Variants in TJP3 observed in about 807,000 individuals in gnomAD.
The protein encoded by TJP3 is tight junction protein 3, also known as tight junction protein ZO-3.
In TJP3, 85 loss-of-function variants were observed where a neutral mutation model predicts 104.2. That is an observed-to-expected ratio of 0.82 (90% CI 0.68 to 0.98). The LOEUF is 0.98. TJP3 is among the 50% of genes least tolerant of loss of function. The pLI, the probability that TJP3 is intolerant of heterozygous loss-of-function variation, is 0.00. For missense variants in TJP3, 1,367 were observed against 1,322.8 expected (o/e 1.03, Z -0.52); for synonymous variants, 550 against 550.6 (o/e 1.00, Z 0.02).
rs549831017 is a variant in TJP3 at position 3,745,133 on chromosome 19, CTTTTTTTTTTTTT to C, written c.1940-860_1940-848del. On this transcript the variant is annotated intron_variant, in intron 15 of 20. Transcript: ENST00000541714. ...TTAAAAAAAGATGCAAATTTTATGT[CTTTTTTTTTTTTT>C]TTTTTTTTTTTTTTTTTGCATCAGA... is the stretch of plus-strand genomic sequence containing the variant. 6.0e-3 allele frequency among the ~76,000 whole-genome samples: 421 copies of C among 70,016 alleles called. 1 individual carries two copies. The highest frequency in any genetic ancestry group is 0.055 in the East Asian group (125 of 2,276). 45.9% of individuals were successfully genotyped at this position (70,016 alleles called of 152,430 possible). A position where few individuals can be genotyped will look rare whatever the true frequency, so the allele number is the denominator to read the frequency against.
In TJP3 at chr19:3,728,441, G is replaced by A. The variant is rs2036625975; in HGVS notation, c.9G>A (p.Glu3=). 2 of 1,614,098 alleles carry A rather than the reference G, an allele frequency of 1.2e-6. No homozygotes were observed. Among genetic ancestry groups the A allele is most frequent in the Non-Finnish European group, 1.7e-6 (2 of 1,179,996 alleles). ME[E]LTIWEQHTAT... is the part of the protein sequence containing the mutation. Reference sequence around the variant, plus strand: ...TCGACCAGGTGGCTGACATGGAGGAGCTGACCATCTGGGAACAGCACACGG... The same window carrying A: ...TCGACCAGGTGGCTGACATGGAGGAACTGACCATCTGGGAACAGCACACGG... The change falls in exon 2 of 21, where the codon GAG becomes GAA. Residue 3 remains glutamate (E), a synonymous_variant. Transcript: ENST00000541714.
Position 3,718,486 on chromosome 19 carries a change from G to A in TJP3, c.-10+9925G>A, listed in dbSNP as rs1336961517. ...TTTTTTTGGGGTGGTGGGGGGCGGG[G>A]TGGACAGGGCCTCACTCTGTGGCCC... On this transcript the variant is annotated intron_variant, in intron 1 of 20. Coordinates refer to ENST00000541714, the MANE Select transcript of TJP3 (RefSeq NM_001267560.2). 4.7e-5 allele frequency among the ~76,000 whole-genome samples: 7 copies of A among 150,308 alleles called. No homozygotes were observed. In the Admixed American group the frequency reaches 4.7e-4, roughly 10 times the overall value.
chr19:3,722,379 T>C (rs2036549909), intron 1 of TJP3, among the ~76,000 whole-genome samples: 1 of 152,026 alleles, frequency 6.6e-6, no homozygotes, highest in African/African-American at 2.4e-5. Context: ...CCGGCTGAGC[T>C]TGGGCGCCCG....
rs2036543832 is a variant in TJP3, at chr19:3,721,749, C to CGGAGCTGG, written c.-9-6674_-9-6667dup. 4 of 398,526 alleles carry CGGAGCTGG rather than the reference C, an allele frequency of 1.0e-5. No individual in the cohort carries two copies. In the South Asian group the frequency reaches 5.1e-4, roughly 51 times the overall value. 24.7% of individuals were successfully genotyped at this position (398,526 alleles called of 1,614,324 possible). A position where few individuals can be genotyped will look rare whatever the true frequency, so the allele number is the denominator to read the frequency against. On this transcript the variant is annotated intron_variant, in intron 1 of 20. Coordinates refer to ENST00000541714, the MANE Select transcript of TJP3 (RefSeq NM_001267560.2). Reference sequence around the variant, plus strand: ...GAGGGGCAGGTGCAGCCGGGAGCTGCGGAGCTGGAGGGAGGAGGACGAGAG... The same window carrying CGGAGCTGG: ...GAGGGGCAGGTGCAGCCGGGAGCTGCGGAGCTGGGGAGCTGGAGGGAGGAGGACGAGAG...
Position 3,728,629 on chromosome 19 carries a change from C to G in TJP3, c.74C>G (p.Ala25Gly), listed in dbSNP as rs199928781. 1 of 1,613,466 alleles carries G rather than the reference C, an allele frequency of 6.2e-7. No homozygotes were observed. The highest frequency in any genetic ancestry group is 1.3e-5 in the African/African-American group (1 of 75,064). The change falls in exon 3 of 21, where the codon GCG (alanine) becomes GGG (glycine). Residue 25 changes from alanine (A) to glycine (G), a missense_variant. Ala to Gly is a moderately conservative substitution (Grantham distance 60, BLOSUM62 0). Coordinates refer to ENST00000541714, the MANE Select transcript of TJP3 (RefSeq NM_001267560.2). ...GACCCCCGCCGGGGCTTTGGCATTG[C>G]GATCTCTGGAGGCCGAGACCGGCCC... Reference protein sequence around the residue: ...SKDPRRGFGIAISGGRDRPGG... With the variant: ...SKDPRRGFGIGISGGRDRPGG...
intron 1 of TJP3, among the ~76,000 whole-genome samples, chr19:3,725,706 A>C (rs1568380543): frequency 6.6e-6 from 1 of 151,756 alleles, no homozygotes; most frequent in Non-Finnish European, 1.5e-5. Context: ...AAAAAAAAAA[A>C]AAAAACTACA....
intron 1 of TJP3, 173 bp from the exon 2 acceptor site, chr19:3,728,251 C>A: frequency 1.8e-6 from 2 of 1,094,792 alleles, no homozygotes; most frequent in Non-Finnish European, 2.6e-6. Context: ...AAAAATGAAA[C>A]AAAACAAAAA....
chr19:3,730,516 C>T lies in TJP3; in HGVS notation c.423C>T (p.Ser141=). 1 of 1,592,322 alleles carries T rather than the reference C, an allele frequency of 6.3e-7. No individual in the cohort carries two copies. The highest frequency in any genetic ancestry group is 8.5e-7 in the Non-Finnish European group (1 of 1,171,544). The change falls in exon 5 of 21, where the codon TCC becomes TCT. Residue 141 remains serine (S), a synonymous_variant. Coordinates refer to ENST00000541714, the MANE Select transcript of TJP3 (RefSeq NM_001267560.2). This position sits in a 1 kb window ranked among gnomAD's most constrained non-coding sequence, Gnocchi z 7.3. ...DGDSSSGSGR[S]WDERSRRPRP... is the part of the protein sequence containing the mutation. ...ACTCATCCAGTGGCTCCGGCCGCTC[C>T]TGGGACGAGCGCTCCCGCCGGCCGA...
intron 1 of TJP3, among the ~76,000 whole-genome samples, chr19:3,717,462 T>C (rs2036490677): frequency 1.3e-5 from 2 of 150,548 alleles, no homozygotes; most frequent in Admixed American, 1.3e-4. Flanking sequence ...AGTGTTGTGC[T>C]GTCTGCCCTG....
intron 1 of TJP3, among the ~76,000 whole-genome samples, chr19:3,719,759 G>A (rs1218725725): frequency 2.0e-5 from 3 of 151,478 alleles, no homozygotes; most frequent in Non-Finnish European, 4.4e-5. Flanking sequence ...AAAAAAGAAG[G>A]GAAGACATAT....
At chr19:3,722,779 C>T (rs2036554010) in intron 1 of TJP3, among the ~76,000 whole-genome samples, 2 of 150,692 alleles carry the variant, frequency 1.3e-5, no homozygotes, top group East Asian at 2.0e-4. Context: ...AGGCACAGCT[C>T]TCAGAATCCC....
intron 10 of TJP3, 30 bp downstream of exon 10, chr19:3,735,965 T>C (rs773192830): frequency 3.7e-6 from 6 of 1,612,634 alleles, no homozygotes; most frequent in Non-Finnish European, 5.1e-6. Context: ...GCAAACCCGC[T>C]CAAAACTCCT....
chr19:3,741,727 G>A (rs2036824242), intron 14 of TJP3, among the ~76,000 whole-genome samples: 1 of 150,704 alleles, frequency 6.6e-6, no homozygotes, highest in Non-Finnish European at 1.5e-5. Flanking sequence ...TCAATGGTTT[G>A]GGAGGCTGAG....
chr19:3,733,058 T>C (rs1181282518), intron 6 of TJP3, among the ~76,000 whole-genome samples: 1 of 150,474 alleles, frequency 6.6e-6, no homozygotes, highest in Non-Finnish European at 1.5e-5. Context: ...CTTTTTGATA[T>C]GGAGTGTCGC....
intron 1 of TJP3, among the ~76,000 whole-genome samples, chr19:3,727,850 G>A (rs2036616672): frequency 1.3e-5 from 2 of 152,172 alleles, no homozygotes; most frequent in African/African-American, 4.8e-5. Context: ...GCTGAGGCAG[G>A]AGAATCACTT....
chr19:3,717,347 G>C (rs1176585234), intron 1 of TJP3, among the ~76,000 whole-genome samples: 15 of 123,914 alleles, frequency 1.2e-4, no homozygotes, highest in African/African-American at 2.8e-4. Flanking sequence ...AAGTGATTCG[G>C]CCGCCTTGGC....
chr19:3,732,154 G>A (rs1053970987), intron 6 of TJP3, 116 bp downstream of exon 6: 1 of 775,544 alleles, frequency 1.3e-6, no homozygotes, highest in Non-Finnish European at 2.0e-6. Flanking sequence ...TTTACCTTCA[G>A]TGTTGTTGCT....
In TJP3 at chr19:3,746,095, T is replaced by TGCTACGGGTCCC; in HGVS notation, c.2010+15_2010+26dup. On this transcript the variant is annotated intron_variant, in intron 16 of 20. Coordinates refer to ENST00000541714, the MANE Select transcript of TJP3 (RefSeq NM_001267560.2). This position sits in a 1 kb window ranked among gnomAD's most constrained non-coding sequence, Gnocchi z 4.1. ...ATTGCAGAAAAAGTAAGCCGGGTCC[T>TGCTACGGGTCCC]GCTACGGGTCCCATTTCATGGATGG... 6.3e-7 allele frequency: 1 copy of TGCTACGGGTCCC among 1,597,666 alleles called. No individual in the cohort carries two copies. Among genetic ancestry groups the TGCTACGGGTCCC allele is most frequent in the Non-Finnish European group, 8.5e-7 (1 of 1,171,230 alleles).
At chr19:3,721,645 G>A (rs2036542770) in intron 1 of TJP3, 2 of 321,922 alleles carry the variant, frequency 6.2e-6, no homozygotes, top group Non-Finnish European at 5.6e-6. Flanking sequence ...TGTGATGGGA[G>A]GTGGGGAGAG....
Sources: allele counts gnomAD v4.1 joint callset (sites outside exome capture counted in the v4.1 genomes callset), GRCh38; gene constraint gnomAD v4.1.1; non-coding constraint Gnocchi (gnomAD v3.1); transcripts MANE v1.5; gene names NCBI Gene and HGNC (gene_info 2026-07-23, HGNC 2026-07-21).